The following CARMIL1 variants were observed in gnomAD, a reference collection of about 807,000 sequenced individuals.
CARMIL1 encodes the protein F-actin-uncapping protein LRRC16A.
CARMIL1 carries 90 observed loss-of-function variants against 177.1 expected under a neutral mutation model. That is an observed-to-expected ratio of 0.51 (90% CI 0.43 to 0.61). CARMIL1 has a LOEUF of 0.61. Among genes scored for constraint, CARMIL1 ranks in the 20% least tolerant of loss-of-function variants. The probability of loss-of-function intolerance (pLI) is 0.00; values close to 1 mark genes in which losing one functional copy is unlikely to be tolerated. For synonymous variants in CARMIL1, 577 were observed against 606.2 expected, an observed-to-expected ratio of 0.95 and a Z score of 0.71; for missense variants, 1,380 against 1,667.0, an observed-to-expected ratio of 0.83 and a Z score of 3.00.
At chr6:25,497,267 G>T (rs1034977325) in intron 16 of CARMIL1, among the ~76,000 whole-genome samples, 2 of 152,188 alleles carry the variant, frequency 1.3e-5, no homozygotes, top group African/African-American at 4.8e-5. Flanking sequence ...ACTGCGCTGG[G>T]TGCTTACATA....
intron 8 of CARMIL1, chr6:25,452,160 G>A (rs773359985): frequency 3.9e-6 from 3 of 765,000 alleles, no homozygotes; most frequent in Non-Finnish European, 7.2e-6. Context: ...ACGGAAGATG[G>A]TGAAGCAGGC....
chr6:25,381,409 T>C (rs982812020), intron 2 of CARMIL1, among the ~76,000 whole-genome samples: 1 of 152,218 alleles, frequency 6.6e-6, no homozygotes, highest in Non-Finnish European at 1.5e-5. Context: ...ACTCTGACAC[T>C]ACCCAGAGTT....
chr6:25,489,026 A>G (rs759088358), intron 13 of CARMIL1, among the ~76,000 whole-genome samples: 7 of 152,084 alleles, frequency 4.6e-5, no homozygotes, highest in Non-Finnish European at 8.8e-5. Flanking sequence ...TTAGCCAAGC[A>G]TGGTGGCACT....
chr6:25,363,587 A>G (rs1789453354), intron 2 of CARMIL1, among the ~76,000 whole-genome samples: 1 of 152,200 alleles, frequency 6.6e-6, no homozygotes. Flanking sequence ...GGTGCCAGCT[A>G]CATTGCTGAG....
At chr6:25,416,470 A>G (rs1795366896) in intron 2 of CARMIL1, among the ~76,000 whole-genome samples, 1 of 152,146 alleles carries the variant, frequency 6.6e-6, no homozygotes, top group African/African-American at 2.4e-5. Context: ...TGTTTTCCTT[A>G]TAGGGTGCTG....
intron 2 of CARMIL1, among the ~76,000 whole-genome samples, chr6:25,331,610 G>A (rs1785629496): frequency 6.6e-6 from 1 of 152,170 alleles, no homozygotes; most frequent in South Asian, 2.1e-4. Flanking sequence ...GGAGTGGGAA[G>A]GCAAGAATCT....
chr6:25,458,580 CTG>C (rs1315174706), intron 8 of CARMIL1, among the ~76,000 whole-genome samples: 1 of 151,194 alleles, frequency 6.6e-6, no homozygotes, highest in African/African-American at 2.4e-5. Context: ...ATCTGAAAAC[CTG>C]TGGATATACC....
intron 2 of CARMIL1, among the ~76,000 whole-genome samples, chr6:25,417,793 C>T (rs1269677283): frequency 1.3e-5 from 2 of 152,186 alleles, no homozygotes; most frequent in East Asian, 3.8e-4. Flanking sequence ...ATTGAATGAC[C>T]TTGAAGTGAG....
At chr6:25,609,104 G>A (rs150641197) in intron 35 of CARMIL1, among the ~76,000 whole-genome samples, 9 of 152,182 alleles carry the variant, frequency 5.9e-5, no homozygotes, top group African/African-American at 1.9e-4. Context: ...AATCCTGTGA[G>A]CCATGGGTTG....
At chr6:25,297,579 G>A (rs1782518636) in intron 2 of CARMIL1, among the ~76,000 whole-genome samples, 1 of 152,122 alleles carries the variant, frequency 6.6e-6, no homozygotes. Context: ...TCCTGTCCAG[G>A]GTTGCTTGTT....
intron 33 of CARMIL1, among the ~76,000 whole-genome samples, 177 bp downstream of exon 33, chr6:25,600,923 G>A (rs945540402): frequency 1.3e-5 from 2 of 152,128 alleles, no homozygotes; most frequent in African/African-American, 4.8e-5. Flanking sequence ...ACAATAGATT[G>A]TTGTTAACTA....
intron 32 of CARMIL1, among the ~76,000 whole-genome samples, chr6:25,595,940 G>T (rs2151295719): frequency 6.6e-6 from 1 of 152,250 alleles, no homozygotes; most frequent in East Asian, 1.9e-4. Context: ...CCCTCAATTA[G>T]TGATGGTTAA....
At chr6:25,596,658 G>A (rs1319723556) in intron 32 of CARMIL1, among the ~76,000 whole-genome samples, 1 of 152,106 alleles carries the variant, frequency 6.6e-6, no homozygotes, top group East Asian at 1.9e-4. Context: ...GACCAGAAGT[G>A]TTTCAATATT....
intron 32 of CARMIL1, 72 bp downstream of exon 32, chr6:25,594,599 T>C: frequency 1.2e-6 from 1 of 864,340 alleles, no homozygotes; most frequent in Non-Finnish European, 1.8e-6. Flanking sequence ...ACAATTAAAC[T>C]TAGTATACTA....
chr6:25,435,850 C>T (rs919831940), intron 5 of CARMIL1, among the ~76,000 whole-genome samples: 1 of 152,140 alleles, frequency 6.6e-6, no homozygotes, highest in Non-Finnish European at 1.5e-5. Flanking sequence ...TTTAACTTCT[C>T]ATAAGACTAA....
chr6:25,540,644 AC>A (rs1282034391), intron 26 of CARMIL1, among the ~76,000 whole-genome samples: 1 of 152,202 alleles, frequency 6.6e-6, no homozygotes, highest in Non-Finnish European at 1.5e-5. Flanking sequence ...TCTAAGACCA[AC>A]TTTTGCTTAA....
intron 2 of CARMIL1, among the ~76,000 whole-genome samples, chr6:25,345,773 C>T (rs796538860): frequency 4.0e-5 from 6 of 151,138 alleles, no homozygotes; most frequent in African/African-American, 1.2e-4. Context: ...CCTGCCACCA[C>T]GCCCAACTAA....
At position 25,348,024 on chromosome 6, in the gene CARMIL1, A is replaced by G. The variant is rs138677277; in HGVS notation, c.138+63115A>G. Among the ~76,000 whole-genome samples the G allele has an allele frequency of 2.4e-3, 367 of 152,354 alleles. 2 individuals are homozygous for G. Among genetic ancestry groups the G allele is most frequent in the Middle Eastern group, 0.024 (7 of 294 alleles). ...TGGAAGCTGTGACTTTAAGTGAAAC[A>G]TCATGTAAAGAAACCAGTTTGGCCA... On this transcript the variant is annotated intron_variant, in intron 2 of 36. Coordinates refer to ENST00000329474, the MANE Select transcript of CARMIL1 (RefSeq NM_017640.6).
At chr6:25,375,692 T>G (rs1229843719) in intron 2 of CARMIL1, among the ~76,000 whole-genome samples, 1 of 152,222 alleles carries the variant, frequency 6.6e-6, no homozygotes, top group African/African-American at 2.4e-5. Context: ...CTTTTAATTC[T>G]TCTTTATTTT....
Sources: gnomAD v4.1 joint callset for allele counts (sites outside exome capture counted in the v4.1 genomes callset) on GRCh38, gnomAD v4.1.1 for gene constraint, MANE v1.5 for transcripts, NCBI Gene and HGNC (gene_info 2026-07-23, HGNC 2026-07-21) for gene names.